Variants in GPC6 observed in about 807,000 individuals in gnomAD.
The protein encoded by GPC6 is glypican-6.
GPC6 carries 14 observed loss-of-function variants against 55.2 expected under a neutral mutation model. The ratio of observed to expected loss-of-function variants is 0.25; its 90% CI spans 0.17 to 0.40. The LOEUF (loss-of-function observed/expected upper bound fraction) is 0.40, where lower values mean the gene tolerates loss of function less well. GPC6 is among the 10% of genes least tolerant of loss of function. The probability of loss-of-function intolerance (pLI) is 1.00; values close to 1 mark genes in which losing one functional copy is unlikely to be tolerated. For missense variants in GPC6, 641 were observed against 708.5 expected (o/e 0.90, Z 1.08); for synonymous variants, 278 against 259.6 (o/e 1.07, Z -0.68).
At chr13:94,144,536 A>T (rs531411109) in intron 4 of GPC6, among the ~76,000 whole-genome samples, 2 of 80,040 alleles carry the variant, frequency 2.5e-5, no homozygotes, top group Non-Finnish European at 2.3e-5. Flanking sequence ...ATTCTTTGGG[A>T]GTGTGTGTGT....
chr13:93,892,864 C>T (rs1226501726), intron 3 of GPC6, among the ~76,000 whole-genome samples: 4 of 152,120 alleles, frequency 2.6e-5, no homozygotes, highest in Non-Finnish European at 5.9e-5. Context: ...GCCTCCCCAG[C>T]ACTCTCATAA....
chr13:93,684,374 G>T lies in GPC6; in HGVS notation c.319+138953G>T, dbSNP rs536461261. ...CTAATTTTTCTGTATTTTTAGTAGA[G>T]GTGGGATTTCATCATGTTGGCCAGG... On this transcript the variant is annotated intron_variant, in intron 2 of 8. Transcript: ENST00000377047. Among the ~76,000 whole-genome samples the T allele has an allele frequency of 1.4e-3, 219 of 152,162 alleles. 1 individual carries two copies. The highest frequency in any genetic ancestry group is 5.1e-3 in the African/African-American group (211 of 41,534).
chr13:93,795,779 A>G (rs1327069772), intron 2 of GPC6, among the ~76,000 whole-genome samples: 1 of 152,210 alleles, frequency 6.6e-6, no homozygotes, highest in Non-Finnish European at 1.5e-5. Flanking sequence ...CTAATGGCAA[A>G]TCAATCACCA....
At chr13:93,361,796 A>G (rs1239041162) in intron 1 of GPC6, among the ~76,000 whole-genome samples, 1 of 152,142 alleles carries the variant, frequency 6.6e-6, no homozygotes, top group East Asian at 1.9e-4. Context: ...AAAAACCTGG[A>G]CCTTAAAAAC....
chr13:94,355,719 C>T lies in GPC6; in HGVS notation c.1153-26695C>T, dbSNP rs143051903. On this transcript the variant is annotated intron_variant, in intron 6 of 8. Coordinates refer to ENST00000377047, the MANE Select transcript of GPC6 (RefSeq NM_005708.5). ...CCTCCACACATGCTTCCAGTCCCCC[C>T]CTCCACTTTAGTTTTCACTTTAGCA... is the stretch of plus-strand genomic sequence containing the variant. 2.6e-3 allele frequency among the ~76,000 whole-genome samples: 402 copies of T among 152,276 alleles called. 1 individual carries two copies. The highest frequency in any genetic ancestry group is 9.2e-3 in the African/African-American group (384 of 41,544).
chr13:93,219,295 T>C, the GPC6 span, among the ~76,000 whole-genome samples: 2 of 152,144 alleles, frequency 1.3e-5, no homozygotes, highest in Non-Finnish European at 2.9e-5. Context: ...GGTTTCACCA[T>C]GTTGGCCAGG....
At chr13:93,243,889 G>A (rs1419721662) in intron 1 of GPC6, among the ~76,000 whole-genome samples, 1 of 152,088 alleles carries the variant, frequency 6.6e-6, no homozygotes, top group Non-Finnish European at 1.5e-5. Context: ...CCAGCTGCTG[G>A]GGTGGCCATG....
At chr13:93,768,637 G>A (rs1302032134) in intron 2 of GPC6, among the ~76,000 whole-genome samples, 1 of 152,182 alleles carries the variant, frequency 6.6e-6, no homozygotes, top group African/African-American at 2.4e-5. Flanking sequence ...AGACAAAGCA[G>A]AGGAAGGCAA....
intron 1 of GPC6, among the ~76,000 whole-genome samples, chr13:93,489,839 G>C (rs1256426283): frequency 6.6e-6 from 1 of 151,630 alleles, no homozygotes; most frequent in African/African-American, 2.4e-5. Context: ...CTTTGCTGGA[G>C]TTGCTTATCA....
chr13:93,681,017 A>G (rs1473167788), intron 2 of GPC6, among the ~76,000 whole-genome samples: 1 of 152,142 alleles, frequency 6.6e-6, no homozygotes, highest in Non-Finnish European at 1.5e-5. Flanking sequence ...TTAGGACAGC[A>G]GCTGTGGTAT....
intron 5 of GPC6, among the ~76,000 whole-genome samples, chr13:94,292,437 C>G (rs942693517): frequency 6.6e-6 from 1 of 152,186 alleles, no homozygotes; most frequent in Non-Finnish European, 1.5e-5. Context: ...CAAGCTCCCT[C>G]CTGCCTGATT....
intron 3 of GPC6, among the ~76,000 whole-genome samples, chr13:93,992,810 G>T (rs894020129): frequency 6.6e-6 from 1 of 152,152 alleles, no homozygotes; most frequent in Admixed American, 6.5e-5. Context: ...AAAGGACGGT[G>T]TATAGAAAAT....
rs1555305613 is a variant in GPC6 at position 93,499,106 on chromosome 13, C to CACACACACAA, written c.161-46148_161-46147insAACACACACA. On this transcript the variant is annotated intron_variant, in intron 1 of 8. Coordinates refer to ENST00000377047, the MANE Select transcript of GPC6 (RefSeq NM_005708.5). ...TCCTTAATTGTCACACACACACACA[C>CACACACACAA]ACACACACACACAGAAACACATACA... Among the ~76,000 whole-genome samples the CACACACACAA allele has an allele frequency of 4.1e-3, 619 of 151,812 alleles. 5 individuals carry two copies. Among genetic ancestry groups the CACACACACAA allele is most frequent in the South Asian group, 0.017 (83 of 4,816 alleles).
intron 1 of GPC6, among the ~76,000 whole-genome samples, chr13:93,522,361 A>G (rs151072907): frequency 0.013 from 1,976 of 151,994 alleles, 24 homozygotes; most frequent in South Asian, 0.022. Flanking sequence ...TGTATAATTC[A>G]TTTCATCATT....
intron 2 of GPC6, among the ~76,000 whole-genome samples, chr13:93,808,061 C>T (rs9516296): frequency 0.37 from 56,892 of 152,006 alleles, 11,467 homozygotes; most frequent in African/African-American, 0.52. Context: ...CTTCACTTTC[C>T]TGAGTCACCC....
At chr13:94,018,239 A>G (rs994804005) in intron 3 of GPC6, among the ~76,000 whole-genome samples, 1 of 150,646 alleles carries the variant, frequency 6.6e-6, no homozygotes, top group African/African-American at 2.4e-5. Flanking sequence ...CTTATGTTGA[A>G]TCACCCTTAA....
At chr13:93,474,015 T>TGCA (rs1357804335) in intron 1 of GPC6, among the ~76,000 whole-genome samples, 4 of 152,206 alleles carry the variant, frequency 2.6e-5, no homozygotes, top group Admixed American at 1.3e-4. Flanking sequence ...ATCTCCCCAC[T>TGCA]GCAGCCAGCA....
At chr13:94,219,746 G>C (rs903830339) in intron 4 of GPC6, among the ~76,000 whole-genome samples, 1 of 152,138 alleles carries the variant, frequency 6.6e-6, no homozygotes, top group Non-Finnish European at 1.5e-5. Context: ...TCTCGTTTCG[G>C]AAGGCAAGAG....
intron 1 of GPC6, among the ~76,000 whole-genome samples, chr13:93,523,676 G>A (rs1881536863): frequency 6.6e-6 from 1 of 151,988 alleles, no homozygotes; most frequent in South Asian, 2.1e-4. Flanking sequence ...AGATTCAAAT[G>A]TATGTCTCCA....
Sources: allele counts gnomAD v4.1 joint callset (sites outside exome capture counted in the v4.1 genomes callset), GRCh38; gene constraint gnomAD v4.1.1; transcripts MANE v1.5; gene names NCBI Gene and HGNC (gene_info 2026-07-23, HGNC 2026-07-21).